ANKLE1: variants seen among roughly 807,000 people sequenced by gnomAD.
The protein encoded by ANKLE1 is structure-specific endonuclease ANKLE1.
A neutral mutation model predicts 56.2 loss-of-function variants in ANKLE1; 59 were observed. The ratio of observed to expected loss-of-function variants is 1.05; its 90% CI spans 0.85 to 1.30. ANKLE1 has a LOEUF of 1.30. ANKLE1 is among the 50% of genes most tolerant of loss of function. ANKLE1 has a pLI of 0.00. For missense variants in ANKLE1, 771 were observed against 816.1 expected (o/e 0.94, Z 0.67); for synonymous variants, 341 against 352.9 (o/e 0.97, Z 0.38).
chr19:17,284,245 C>T lies in ANKLE1; in HGVS notation c.1355C>T (p.Thr452Ile), dbSNP rs1295207566. 6 of 1,613,662 alleles carry T rather than the reference C, an allele frequency of 3.7e-6. No homozygotes were observed. In the African/African-American group the frequency reaches 5.3e-5, roughly 14 times the overall value. The change falls in exon 6 of 9, where the codon ACC (threonine) becomes ATC (isoleucine). Residue 452 changes from threonine to isoleucine, a missense_variant. Coordinates refer to ENST00000404085, the MANE Select transcript of ANKLE1 (RefSeq NM_152363.6). ...GAGGGGGTCGTGAAGTCTAGCTTCA[C>T]CTATCTGCTGCTGGACCCCAGGTAC... is the stretch of plus-strand genomic sequence containing the variant. ...WREGVVKSSF[T>I]YLLLDPRETQ...
chr19:17,283,934 G>C lies in ANKLE1; in HGVS notation c.1170G>C (p.Gln390His), dbSNP rs2074004607. 1 of 1,608,186 alleles carries C rather than the reference G, an allele frequency of 6.2e-7. No individual in the cohort carries two copies. Among genetic ancestry groups the C allele is most frequent in the Admixed American group, 1.7e-5 (1 of 59,876 alleles). The stretch of plus-strand genomic sequence containing the variant: ...CCTTCACCAGGCAGTTGTACCACCA[G>C]CAGCTGGAAGAAGCCCAGATTGCTC... ...ITPFTRQLYH[Q>H]QLEEAQIAPG... Residue 390 changes from glutamine to histidine, a missense_variant, in exon 5 of 9, where the codon CAG becomes CAC. Coordinates refer to ENST00000404085, the MANE Select transcript of ANKLE1 (RefSeq NM_152363.6).
In ANKLE1 at chr19:17,282,446, C is replaced by T. The variant is rs775637649; in HGVS notation, c.216-210C>T. On this transcript the variant is annotated intron_variant, in intron 2 of 8. Coordinates refer to ENST00000404085, the MANE Select transcript of ANKLE1 (RefSeq NM_152363.6). ...AGGACCAAAGTGGGGATCAAGGGTT[C>T]GGATATTGGAGTGGAGGCACCAGGG... 1.6e-3 allele frequency: 1,298 copies of T among 823,480 alleles called. 1 individual carries two copies. Among genetic ancestry groups the T allele is most frequent in the Non-Finnish European group, 2.2e-3 (1,145 of 531,422 alleles). 51.0% of individuals were successfully genotyped at this position (823,480 alleles called of 1,614,324 possible).
rs958422486 is a variant in ANKLE1, at chr19:17,287,590, T to A, written c.*1038T>A. ...GGGCAACCAGCAGCCCTGCCCTGTC[T>A]ATGGAGTAGCCATTCTTTTATTCCT... is the stretch of plus-strand genomic sequence containing the variant. On this transcript the variant is annotated 3_prime_UTR_variant, in exon 9 of 9. Transcript: ENST00000404085. 2 of 152,162 alleles carry A rather than the reference T, an allele frequency of 1.3e-5. No individual in the cohort carries two copies. Among genetic ancestry groups the A allele is most frequent in the Non-Finnish European group, 1.5e-5 (1 of 68,034 alleles). The allele number at this position is 152,162 out of a possible 1,614,324, so 9.4% of individuals were successfully genotyped here.
Position 17,286,420 on chromosome 19 carries a change from T to C in ANKLE1, c.1716T>C (p.Tyr572=). ...TLTNQKQGHC[Y]GVVAGWPPAR... ...CCAACCAGAAGCAAGGGCACTGCTA[T>C]GGAGTGGTGGCAGGCTGGCCACCTG... is the stretch of plus-strand genomic sequence containing the variant. The change falls in exon 9 of 9, where the codon TAT becomes TAC. Residue 572 remains tyrosine, a synonymous_variant. Coordinates refer to ENST00000404085, the MANE Select transcript of ANKLE1 (RefSeq NM_152363.6). The C allele has an allele frequency of 6.2e-7, 1 of 1,608,910 alleles. No homozygotes were observed.
chr19:17,283,951 A>C lies in ANKLE1; in HGVS notation c.1187A>C (p.Gln396Pro), dbSNP rs756868016. 1 of 1,604,642 alleles carries C rather than the reference A, an allele frequency of 6.2e-7. No homozygotes were observed. Among genetic ancestry groups the C allele is most frequent in the Non-Finnish European group, 8.5e-7 (1 of 1,173,604 alleles). Residue 396 changes from glutamine (Q) to proline (P), a missense_variant, in exon 5 of 9, where the codon CAG (glutamine) becomes CCG (proline). Transcript: ENST00000404085. ...TACCACCAGCAGCTGGAAGAAGCCCAGATTGCTCCTGGTTAGTCTTCCCAG... is the reference window on the plus strand; with the variant it reads ...TACCACCAGCAGCTGGAAGAAGCCCCGATTGCTCCTGGTTAGTCTTCCCAG... ...QLYHQQLEEA[Q>P]IAPGPEFSGH... is the part of the protein sequence containing the mutation.
At chr19:17,284,004 G>GA (rs1374230512) in intron 5 of ANKLE1, 42 bp downstream of exon 5, 1 of 1,592,566 alleles carries the variant, frequency 6.3e-7, no homozygotes, top group East Asian at 2.2e-5. Flanking sequence ...GAGCCTCCAG[G>GA]AATCTCCCGG....
rs1353214851 is a variant in ANKLE1 at position 17,282,548 on chromosome 19, C to G, written c.216-108C>G. On this transcript the variant is annotated intron_variant, in intron 2 of 8. Transcript: ENST00000404085. Reference sequence around the variant, plus strand: ...AAGGGCAGTGTACCAGGGTGGACGGCGGAGATCCGGGAGGCCGAGAACGAA... The same window carrying G: ...AAGGGCAGTGTACCAGGGTGGACGGGGGAGATCCGGGAGGCCGAGAACGAA... 2.6e-6 allele frequency: 3 copies of G among 1,165,176 alleles called. No individual in the cohort carries two copies. The Admixed American group carries it at 6.0e-5, about 23-fold the overall frequency. 72.2% of individuals were successfully genotyped at this position (1,165,176 alleles called of 1,614,324 possible). A position where few individuals can be genotyped will look rare whatever the true frequency, so the allele number is the denominator to read the frequency against.
chr19:17,286,430 G>T lies in ANKLE1; in HGVS notation c.1726G>T (p.Ala576Ser), dbSNP rs375998143. 23 of 1,609,992 alleles carry T rather than the reference G, an allele frequency of 1.4e-5. No homozygotes were observed. The highest frequency in any genetic ancestry group is 1.5e-5 in the Non-Finnish European group (18 of 1,178,318). The part of the protein sequence containing the change: ...QKQGHCYGVV[A>S]GWPPARRRRL... ...GCAAGGGCACTGCTATGGAGTGGTG[G>T]CAGGCTGGCCACCTGCTCGTCGCCG... is the stretch of plus-strand genomic sequence containing the variant. The change falls in exon 9 of 9, where the codon GCA (alanine) becomes TCA (serine). Residue 576 changes from alanine (A) to serine (S), a missense_variant. Physicochemically the swap from Ala to Ser is moderately conservative, Grantham distance 99 (BLOSUM62 1). Transcript: ENST00000404085.
chr19:17,285,396 C>T, intron 6 of ANKLE1, 35 bp from the exon 7 acceptor site: 1 of 1,611,844 alleles, frequency 6.2e-7, no homozygotes, highest in Admixed American at 1.7e-5. Flanking sequence ...CCACTGTATC[C>T]ACTTTTCCCT....
rs766782760 is a variant in ANKLE1 at position 17,284,138 on chromosome 19, G to C, written c.1248G>C (p.Thr416=). 1 of 1,613,886 alleles carries C rather than the reference G, an allele frequency of 6.2e-7. No homozygotes were observed. The highest frequency in any genetic ancestry group is 1.7e-5 in the Admixed American group (1 of 60,004). ...TAGAACTGGCTGCAGCCCTGCGGAC[G>C]GGCTGTATTCCAGATGTCCAGGCAG... ...HSLELAAALR[T]GCIPDVQADE... Residue 416 remains threonine (T), a synonymous_variant, in exon 6 of 9, where the codon ACG becomes ACC. Coordinates refer to ENST00000404085, the MANE Select transcript of ANKLE1 (RefSeq NM_152363.6).
At chr19:17,284,011 C>T (rs775379907) in intron 5 of ANKLE1, 49 bp downstream of exon 5, 2 of 1,594,156 alleles carry the variant, frequency 1.3e-6, no homozygotes, top group Admixed American at 1.7e-5. Context: ...CAGGAATCTC[C>T]CGGAGAACCC....
Position 17,284,174 on chromosome 19 carries a change from G to T in ANKLE1, c.1284G>T (p.Ala428=). 1.2e-6 allele frequency: 2 copies of T among 1,613,782 alleles called. No individual in the cohort carries two copies. The highest frequency in any genetic ancestry group is 1.3e-5 in the African/African-American group (1 of 75,022). The part of the protein sequence containing the change: ...CIPDVQADED[A]LAQQFEQPDP... ...CAGATGTCCAGGCAGATGAAGACGCGCTGGCCCAGCAGTTTGAGCAGCCAG... is the reference window on the plus strand; with the variant it reads ...CAGATGTCCAGGCAGATGAAGACGCTCTGGCCCAGCAGTTTGAGCAGCCAG... The change falls in exon 6 of 9, where the codon GCG becomes GCT. Residue 428 remains alanine, a synonymous_variant. Transcript: ENST00000404085.
Position 17,283,695 on chromosome 19 carries a change from A to C in ANKLE1, c.931A>C (p.Thr311Pro), listed in dbSNP as rs891017. Residue 311 changes from threonine (T) to proline (P), a missense_variant, in exon 5 of 9, where the codon ACC becomes CCC. By Grantham distance (38) the Thr-to-Pro change is conservative. Coordinates refer to ENST00000404085, the MANE Select transcript of ANKLE1 (RefSeq NM_152363.6). ...AGCTCATAGCCCCCCACGGACACCA[A>C]CCCCTGGAGCTTCTGACTGCCACTG... ...SPAHSPPRTP[T>P]PGASDCHCLW... The C allele has an allele frequency of 0.78, 1,251,457 of 1,613,314 alleles. 494,441 individuals are homozygous for C. The highest frequency in any genetic ancestry group is 0.81 in the Non-Finnish European group (955,645 of 1,179,820).
At position 17,286,647 on chromosome 19, in the gene ANKLE1, GGTGTGTGTGT is replaced by G. The variant is rs58535756; in HGVS notation, c.*130_*139del. The G allele has an allele frequency of 3.5e-4, 494 of 1,428,838 alleles. No homozygotes were observed. The Admixed American group carries it at 4.5e-3, about 13-fold the overall frequency. 88.5% of individuals were successfully genotyped at this position (1,428,838 alleles called of 1,614,324 possible). ...AGCCCCCATCTCTGGTTTCAGAAGG[GGTGTGTGTGT>G]GTGTGTGTGTGTGTGTGTGTGTGTG... is the stretch of plus-strand genomic sequence containing the variant. On this transcript the variant is annotated 3_prime_UTR_variant, in exon 9 of 9. Coordinates refer to ENST00000404085, the MANE Select transcript of ANKLE1 (RefSeq NM_152363.6).
chr19:17,286,295 C>T (rs1309799984), intron 8 of ANKLE1, 85 bp from the exon 9 acceptor site: 7 of 1,490,764 alleles, frequency 4.7e-6, no homozygotes, highest in Non-Finnish European at 5.4e-6. Context: ...AGCCACCATA[C>T]CCAGCCGCCT....
At position 17,286,652 on chromosome 19, in the gene ANKLE1, G is replaced by A. The variant is rs944325321; in HGVS notation, c.*100G>A. ...CCATCTCTGGTTTCAGAAGGGGTGT[G>A]TGTGTGTGTGTGTGTGTGTGTGTGT... On this transcript the variant is annotated 3_prime_UTR_variant, in exon 9 of 9. Transcript: ENST00000404085. The A allele has an allele frequency of 6.8e-6, 4 of 586,010 alleles. No homozygotes were observed. Among genetic ancestry groups the A allele is most frequent in the Non-Finnish European group, 1.0e-5 (4 of 393,864 alleles). The allele number at this position is 586,010 out of a possible 1,614,324, so 36.3% of individuals were successfully genotyped here.
intron 6 of ANKLE1, 79 bp from the exon 7 acceptor site, chr19:17,285,352 G>A: frequency 6.4e-7 from 1 of 1,558,320 alleles, no homozygotes; most frequent in East Asian, 2.2e-5. Context: ...ATGGGTTCAA[G>A]ATATGTTGTG....
chr19:17,284,130 C>T lies in ANKLE1; in HGVS notation c.1240C>T (p.Leu414=), dbSNP rs756712231. ...GCACAGCCTAGAACTGGCTGCAGCC[C>T]TGCGGACGGGCTGTATTCCAGATGT... The part of the protein sequence containing the change: ...SGHSLELAAA[L]RTGCIPDVQA... Residue 414 remains leucine (L), a synonymous_variant, in exon 6 of 9, where the codon CTG becomes TTG. Coordinates refer to ENST00000404085, the MANE Select transcript of ANKLE1 (RefSeq NM_152363.6). 2 of 1,613,938 alleles carry T rather than the reference C, an allele frequency of 1.2e-6. No individual in the cohort carries two copies. The highest frequency in any genetic ancestry group is 1.7e-6 in the Non-Finnish European group (2 of 1,179,896).
chr19:17,283,094 G>T (rs915414000), intron 4 of ANKLE1, 92 bp downstream of exon 4: 9 of 1,536,090 alleles, frequency 5.9e-6, no homozygotes. Context: ...GGTTCTGACC[G>T]TCTCACATCC....
Sources: allele counts gnomAD v4.1 joint callset, GRCh38; gene constraint gnomAD v4.1.1; transcripts MANE v1.5; gene names NCBI Gene and HGNC (gene_info 2026-07-23, HGNC 2026-07-21).